Variants in PSD2 observed in about 807,000 individuals in gnomAD.
PSD2 encodes the protein PH and SEC7 domain-containing protein 2.
A neutral mutation model predicts 69.8 loss-of-function variants in PSD2; 38 were observed. The ratio of observed to expected loss-of-function variants is 0.54; its 90% CI spans 0.42 to 0.71. The LOEUF is 0.71. Among genes scored for constraint, PSD2 ranks in the 30% least tolerant of loss-of-function variants. The pLI, the probability that PSD2 is intolerant of heterozygous loss-of-function variation, is 0.00. For synonymous variants in PSD2, 412 were observed against 423.0 expected, an observed-to-expected ratio of 0.97 and a Z score of 0.32; for missense variants, 943 against 1,014.5, an observed-to-expected ratio of 0.93 and a Z score of 0.96.
chr5:139,766,789 C>T, the PSD2 span, among the ~76,000 whole-genome samples: 1 of 151,900 alleles, frequency 6.6e-6, no homozygotes, highest in Non-Finnish European at 1.5e-5. Flanking sequence ...TGATAAAGAG[C>T]ACTGACTGGC....
At chr5:139,829,611 C>T (rs1055311509) in intron 7 of PSD2, among the ~76,000 whole-genome samples, 3 of 152,228 alleles carry the variant, frequency 2.0e-5, no homozygotes, top group East Asian at 3.9e-4. Flanking sequence ...TTGTGACTGG[C>T]GTCTTTCATT....
At chr5:139,795,655 C>A (rs1309403450), upstream of PSD2, among the ~76,000 whole-genome samples, 1 of 151,762 alleles carries the variant, frequency 6.6e-6, no homozygotes, top group African/African-American at 2.4e-5. The surrounding 1 kb of genome is among the most constrained non-coding windows in gnomAD (Gnocchi z 4.5). Flanking sequence ...CCGGGGCGAG[C>A]GCTGCGCTGC....
At chr5:139,756,731 C>T in the PSD2 span, among the ~76,000 whole-genome samples, 13 of 152,104 alleles carry the variant, frequency 8.5e-5, no homozygotes, top group African/African-American at 2.9e-4. Flanking sequence ...TGAGAGGGGG[C>T]GGGCAAAATC....
chr5:139,814,379 C>T lies in PSD2; in HGVS notation c.1016+15C>T. 2 of 1,582,490 alleles carry T rather than the reference C, an allele frequency of 1.3e-6. No individual in the cohort carries two copies. Among genetic ancestry groups the T allele is most frequent in the South Asian group, 2.3e-5 (2 of 87,052 alleles). On this transcript the variant is annotated intron_variant, in intron 4 of 14. Transcript: ENST00000274710. This position sits in a 1 kb window ranked among gnomAD's most constrained non-coding sequence, Gnocchi z 4.4. ...CTGGGCAAGAAGTGAGTGTGAGCTC[C>T]CCTGCCCCCAACCCTGGGCAAACCT...
the PSD2 span, among the ~76,000 whole-genome samples, chr5:139,757,072 C>A: frequency 9.2e-5 from 14 of 152,316 alleles, no homozygotes; most frequent in African/African-American, 3.4e-4. Context: ...AGGGGCATGG[C>A]TGGGATTGGA....
At chr5:139,746,852 C>T in the PSD2 span, among the ~76,000 whole-genome samples, 2 of 152,188 alleles carry the variant, frequency 1.3e-5, no homozygotes, top group Non-Finnish European at 2.9e-5. This position sits in a 1 kb window ranked among gnomAD's most constrained non-coding sequence, Gnocchi z 4.5. Context: ...AGCGACGCTC[C>T]CTCGCTCTGG....
chr5:139,816,015 A>C (rs536406553), intron 4 of PSD2, among the ~76,000 whole-genome samples: 1 of 151,246 alleles, frequency 6.6e-6, no homozygotes, highest in East Asian at 1.9e-4. Context: ...AAAAAAAAAA[A>C]AGAAAATTTC....
intron 1 of PSD2, among the ~76,000 whole-genome samples, chr5:139,797,442 G>T (rs2126920480): frequency 6.6e-6 from 1 of 152,298 alleles, no homozygotes; most frequent in Non-Finnish European, 1.5e-5. Flanking sequence ...AAGTCTCAAT[G>T]CTTGGGTGAA....
At chr5:139,765,927 T>C in the PSD2 span, among the ~76,000 whole-genome samples, 1 of 152,042 alleles carries the variant, frequency 6.6e-6, no homozygotes, top group Admixed American at 6.6e-5. Flanking sequence ...AGGACGCCGC[T>C]CTGGCCCGGG....
chr5:139,836,721 C>T (rs1760727798), intron 9 of PSD2, 90 bp from the exon 10 acceptor site: 1 of 1,166,076 alleles, frequency 8.6e-7, no homozygotes, highest in Non-Finnish European at 1.3e-6. Context: ...ATGACCCTGG[C>T]TCCTGGAGAG....
intron 4 of PSD2, 144 bp from the exon 5 acceptor site, chr5:139,817,337 T>C: frequency 2.9e-6 from 2 of 691,842 alleles, no homozygotes; most frequent in Non-Finnish European, 2.6e-6. Context: ...TTGAATGTTA[T>C]GGCCCAACTA....
chr5:139,820,577 G>A (rs1441994653), intron 5 of PSD2, among the ~76,000 whole-genome samples: 1 of 152,136 alleles, frequency 6.6e-6, no homozygotes, highest in East Asian at 1.9e-4. Flanking sequence ...AAAGCAAAGT[G>A]GGCATTGCAG....
intron 7 of PSD2, among the ~76,000 whole-genome samples, chr5:139,830,521 TCTTC>T (rs534774072): frequency 0.044 from 4,268 of 96,760 alleles, 171 homozygotes; most frequent in Non-Finnish European, 0.067. Flanking sequence ...CAGCTAATTT[TCTTC>T]CTTCCTTCCT....
At chr5:139,778,474 A>C in the PSD2 span, among the ~76,000 whole-genome samples, 1 of 152,252 alleles carries the variant, frequency 6.6e-6, no homozygotes, top group Non-Finnish European at 1.5e-5. Flanking sequence ...TTTTAATGAC[A>C]TAATACTCCA....
chr5:139,814,356 G>A lies in PSD2; in HGVS notation c.1008G>A (p.Leu336=), dbSNP rs1213846487. 17 of 1,598,976 alleles carry A rather than the reference G, an allele frequency of 1.1e-5. No individual in the cohort carries two copies. The highest frequency in any genetic ancestry group is 1.4e-5 in the Non-Finnish European group (17 of 1,172,906). ...GFQRCDVARQ[L]GKNNEFSRLV... The stretch of plus-strand genomic sequence containing the variant: ...AGCGCTGTGATGTGGCCCGGCAGCT[G>A]GGCAAGAAGTGAGTGTGAGCTCCCC... Residue 336 remains leucine (L), a synonymous_variant, in exon 4 of 15, where the codon CTG becomes CTA. Coordinates refer to ENST00000274710, the MANE Select transcript of PSD2 (RefSeq NM_032289.4). This position sits in a 1 kb window ranked among gnomAD's most constrained non-coding sequence, Gnocchi z 4.4.
the PSD2 span, among the ~76,000 whole-genome samples, chr5:139,750,830 C>A: frequency 6.6e-6 from 1 of 152,236 alleles, no homozygotes; most frequent in Non-Finnish European, 1.5e-5. Flanking sequence ...CTCTATCCAG[C>A]CTTGCTGGAT....
the PSD2 span, among the ~76,000 whole-genome samples, chr5:139,787,639 C>G: frequency 6.6e-6 from 1 of 152,232 alleles, no homozygotes; most frequent in Admixed American, 6.5e-5. Context: ...CAGGTGGCGC[C>G]CCGACCCCAA....
At chr5:139,813,282 T>C in intron 2 of PSD2, 27 bp from the exon 3 acceptor site, 2 of 1,510,232 alleles carry the variant, frequency 1.3e-6, no homozygotes, top group South Asian at 2.6e-5. Context: ...CTTGGCAGGA[T>C]GGTGACTGGC....
Position 139,814,063 on chromosome 5 carries a change from C to A in PSD2, c.822-107C>A. The A allele has an allele frequency of 9.4e-7, 1 of 1,062,400 alleles. No homozygotes were observed. Among genetic ancestry groups the A allele is most frequent in the Non-Finnish European group, 1.4e-6 (1 of 712,792 alleles). The allele number at this position is 1,062,400 out of a possible 1,614,324, so 65.8% of individuals were successfully genotyped here. ...CTGCAGTGGAGCTTCTTTCCCTGTT[C>A]TGGCCCCTACATGGTTTGCAGTGGC... is the stretch of plus-strand genomic sequence containing the variant. On this transcript the variant is annotated intron_variant, in intron 3 of 14. Coordinates refer to ENST00000274710, the MANE Select transcript of PSD2 (RefSeq NM_032289.4). This position sits in a 1 kb window ranked among gnomAD's most constrained non-coding sequence, Gnocchi z 4.4.
Sources: allele counts gnomAD v4.1 joint callset (sites outside exome capture counted in the v4.1 genomes callset), GRCh38; gene constraint gnomAD v4.1.1; non-coding constraint Gnocchi (gnomAD v3.1); transcripts MANE v1.5; gene names NCBI Gene and HGNC (gene_info 2026-07-23, HGNC 2026-07-21).